Variants in LRRIQ1 observed in about 807,000 individuals in gnomAD.
The protein encoded by LRRIQ1 is leucine-rich repeat- and IQ domain-containing protein 1.
In LRRIQ1, 210 loss-of-function variants were observed where a neutral mutation model predicts 211.9. The ratio of observed to expected loss-of-function variants is 0.99; its 90% confidence interval spans 0.89 to 1.11. LRRIQ1 has a LOEUF of 1.11. LRRIQ1 is among the 50% of genes most tolerant of loss of function. LRRIQ1 has a pLI of 0.00. For missense variants in LRRIQ1, 2,136 were observed against 1,939.5 expected (o/e 1.10, Z -1.90); for synonymous variants, 699 against 650.1 (o/e 1.08, Z -1.14).
rs1403246432 is a variant in LRRIQ1, at chr12:85,153,767, T to A, written c.4637+9T>A. The A allele has an allele frequency of 1.4e-6, 2 of 1,465,788 alleles. No individual in the cohort carries two copies. The highest frequency in any genetic ancestry group is 2.4e-5 in the East Asian group (1 of 42,140). The allele number at this position is 1,465,788 out of a possible 1,614,324, so 90.8% of individuals were successfully genotyped here. On this transcript the variant is annotated intron_variant, in intron 22 of 26. Transcript: ENST00000393217. ...AAAATTTCAGAAGAATGGTATGTAG[T>A]CAATTTGACACTAATAAATTAAAAA...
intron 18 of LRRIQ1, among the ~76,000 whole-genome samples, chr12:85,135,200 G>A (rs918208346): frequency 6.6e-6 from 1 of 151,692 alleles, no homozygotes; most frequent in Admixed American, 6.6e-5. Flanking sequence ...TGTCCTATAG[G>A]GTTTTCCAAT....
chr12:85,112,213 T>A lies in LRRIQ1; in HGVS notation c.3377+5598T>A, dbSNP rs1887227730. Among the ~76,000 whole-genome samples the A allele has an allele frequency of 3.9e-5, 6 of 151,956 alleles. No homozygotes were observed. In the South Asian group the frequency reaches 1.2e-3, roughly 31 times the overall value. On this transcript the variant is annotated intron_variant, in intron 15 of 26. Coordinates refer to ENST00000393217, the MANE Select transcript of LRRIQ1 (RefSeq NM_001079910.2). Reference sequence around the variant, plus strand: ...CTTCAATCTTGCATAGTTTATCATCTCCTGAATAGCTAGACTACATCTTCT... The same window carrying A: ...CTTCAATCTTGCATAGTTTATCATCACCTGAATAGCTAGACTACATCTTCT...
At chr12:85,129,671 C>T (rs1038224837) in intron 18 of LRRIQ1, among the ~76,000 whole-genome samples, 1 of 152,050 alleles carries the variant, frequency 6.6e-6, no homozygotes, top group Non-Finnish European at 1.5e-5. Flanking sequence ...GATTTAGTAG[C>T]CTACTCACAG....
At chr12:85,077,228 C>G (rs1489812644) in intron 11 of LRRIQ1, among the ~76,000 whole-genome samples, 2 of 152,088 alleles carry the variant, frequency 1.3e-5, no homozygotes, top group Non-Finnish European at 2.9e-5. Context: ...TTTATTAGAC[C>G]ATTGGCTCAT....
Position 85,076,301 on chromosome 12 carries a change from G to A in LRRIQ1, c.2887+3203G>A, listed in dbSNP as rs1244160502. Among the ~76,000 whole-genome samples, 8 of 151,088 alleles carry A rather than the reference G, an allele frequency of 5.3e-5. No homozygotes were observed. The East Asian group carries it at 1.2e-3, about 22-fold the overall frequency. On this transcript the variant is annotated intron_variant, in intron 11 of 26. Coordinates refer to ENST00000393217, the MANE Select transcript of LRRIQ1 (RefSeq NM_001079910.2). ...CATTTTCTCTATATATATGGAATTG[G>A]AATAAGTTATTTCTTTTATTAAATA...
chr12:85,123,941 C>G, intron 16 of LRRIQ1, 129 bp from the exon 17 acceptor site: 1 of 634,676 alleles, frequency 1.6e-6, no homozygotes, highest in South Asian at 2.1e-5. Flanking sequence ...TAGAAATAAT[C>G]TATAATGAAT....
At chr12:85,099,772 A>G (rs2136285094) in intron 13 of LRRIQ1, among the ~76,000 whole-genome samples, 1 of 151,938 alleles carries the variant, frequency 6.6e-6, no homozygotes, top group Non-Finnish European at 1.5e-5. Flanking sequence ...TTACATATAT[A>G]CCTATTTTCC....
intron 24 of LRRIQ1, among the ~76,000 whole-genome samples, chr12:85,169,349 C>T (rs558732748): frequency 2.2e-4 from 33 of 151,804 alleles, no homozygotes; most frequent in African/African-American, 8.0e-4. Flanking sequence ...AGTTGGAAGC[C>T]CTTAGATAAT....
In LRRIQ1 at chr12:85,127,844, G is replaced by A. The variant is rs1888479358; in HGVS notation, c.4020G>A (p.Val1340=). The A allele has an allele frequency of 8.7e-6, 14 of 1,613,144 alleles. No homozygotes were observed. Among genetic ancestry groups the A allele is most frequent in the Non-Finnish European group, 1.0e-5 (12 of 1,179,744 alleles). Residue 1340 remains valine (V), a synonymous_variant, in exon 18 of 27, where the codon GTG becomes GTA. Transcript: ENST00000393217. ...IEPSEKIMAA[V]VIQSYWRGYL... Reference sequence around the variant, plus strand: ...CTCCTCTTAATAGTATGGCAGCTGTGGTAATCCAGTCATACTGGCGTGGTT... The same window carrying A: ...CTCCTCTTAATAGTATGGCAGCTGTAGTAATCCAGTCATACTGGCGTGGTT...
intron 14 of LRRIQ1, among the ~76,000 whole-genome samples, chr12:85,105,814 G>A (rs1353239061): frequency 3.3e-5 from 1 of 29,910 alleles, no homozygotes. Context: ...TTTTTTTTTT[G>A]AGACAGAGTT....
intron 15 of LRRIQ1, among the ~76,000 whole-genome samples, chr12:85,107,787 A>G (rs1886886843): frequency 1.3e-5 from 2 of 151,900 alleles, no homozygotes; most frequent in Admixed American, 6.6e-5. Context: ...AAATTCTCTG[A>G]TATTTTCTGT....
chr12:85,256,555 G>T (rs765785144), intron 1 of LRRIQ1, among the ~76,000 whole-genome samples: 58 of 151,626 alleles, frequency 3.8e-4, no homozygotes, highest in Non-Finnish European at 7.0e-4. Flanking sequence ...TAATAAGTAT[G>T]AAAATGAATA....
At chr12:85,079,907 T>C (rs1450931638) in intron 11 of LRRIQ1, among the ~76,000 whole-genome samples, 1 of 152,122 alleles carries the variant, frequency 6.6e-6, no homozygotes, top group East Asian at 1.9e-4. Flanking sequence ...AGTATTATTA[T>C]GTAATAATAT....
intron 24 of LRRIQ1, among the ~76,000 whole-genome samples, chr12:85,175,787 G>C (rs575945853): frequency 2.6e-5 from 4 of 152,192 alleles, no homozygotes; most frequent in South Asian, 2.1e-4. Context: ...GCTTGTTTTT[G>C]TTAGGTTTGT....
intron 24 of LRRIQ1, among the ~76,000 whole-genome samples, chr12:85,206,373 G>A (rs2137044190): frequency 6.6e-6 from 1 of 152,314 alleles, no homozygotes; most frequent in East Asian, 1.9e-4. Flanking sequence ...TCATACCAGT[G>A]ACAGTGAGAG....
Position 85,225,097 on chromosome 12 carries a change from AT to A in LRRIQ1, c.4823-4412del, listed in dbSNP as rs80086043. On this transcript the variant is annotated intron_variant, in intron 24 of 26. Transcript: ENST00000393217. The stretch of plus-strand genomic sequence containing the variant: ...GTTCAACCAACTGCAGATTAAAAAA[AT>A]TTTTTTTAAATGCACTTATACTGAA... Among the ~76,000 whole-genome samples the A allele has an allele frequency of 3.3e-3, 504 of 152,076 alleles. 6 individuals carry two copies. The highest frequency in any genetic ancestry group is 0.011 in the African/African-American group (446 of 41,494).
chr12:85,119,088 C>T (rs1010174076), intron 15 of LRRIQ1, among the ~76,000 whole-genome samples: 7 of 152,136 alleles, frequency 4.6e-5, no homozygotes, highest in East Asian at 1.9e-4. Flanking sequence ...TTTTGACAAA[C>T]GTATAATTAC....
intron 24 of LRRIQ1, among the ~76,000 whole-genome samples, chr12:85,164,947 G>T (rs962197630): frequency 1.3e-5 from 2 of 151,938 alleles, no homozygotes; most frequent in African/African-American, 2.4e-5. Context: ...ATCAATTTTG[G>T]TTTTTATTCC....
intron 19 of LRRIQ1, among the ~76,000 whole-genome samples, chr12:85,151,568 G>A (rs947523859): frequency 6.6e-6 from 1 of 151,390 alleles, no homozygotes; most frequent in Admixed American, 6.6e-5. Context: ...GTAAAAATCA[G>A]ATAATTACAT....
Sources: allele counts gnomAD v4.1 joint callset (sites outside exome capture counted in the v4.1 genomes callset), GRCh38; gene constraint gnomAD v4.1.1; transcripts MANE v1.5; gene names NCBI Gene and HGNC (gene_info 2026-07-23, HGNC 2026-07-21).